The following SASS6 variants were observed in gnomAD, a reference collection of about 807,000 sequenced individuals.
SASS6 encodes the protein SAS-6 centriolar assembly protein.
Under a neutral mutation model 94.9 loss-of-function variants are expected in SASS6, and 59 were observed. The ratio of observed to expected loss-of-function variants is 0.62; its 90% confidence interval spans 0.50 to 0.77. The LOEUF is 0.77. Ranked by LOEUF, SASS6 falls within the 30% of genes least tolerant of loss-of-function variation. The probability of loss-of-function intolerance (pLI) is 0.00; values close to 1 mark genes in which losing one functional copy is unlikely to be tolerated. For synonymous variants in SASS6, 264 were observed against 270.0 expected (o/e 0.98, Z 0.22); for missense variants, 698 against 734.1 (o/e 0.95, Z 0.57).
rs139300260 is a variant in SASS6, at chr1:100,107,633, G to C, written c.1141C>G (p.Leu381Val). ...ATIKSLSAEL[L>V]KANEIIKKLQ... ...ATAAAATTTTTAAAACAAACCTTCA[G>C]AAGTTCTGCAGATAATGATTTTATT... Residue 381 changes from leucine to valine, a missense_variant, in exon 10 of 17, where the codon CTG becomes GTG. Physicochemically the swap from Leu to Val is conservative, Grantham distance 32. Coordinates refer to ENST00000287482, the MANE Select transcript of SASS6 (RefSeq NM_194292.3). The C allele has an allele frequency of 8.2e-6, 13 of 1,592,622 alleles. No individual in the cohort carries two copies. In the African/African-American group the frequency reaches 1.1e-4, roughly 13 times the overall value.
chr1:100,107,918 G>C lies in SASS6; in HGVS notation c.948C>G (p.His316Gln), dbSNP rs758597069. The change falls in exon 9 of 17, where the codon CAC (histidine) becomes CAG (glutamine). Residue 316 changes from histidine (H) to glutamine (Q), a missense_variant. His to Gln is a conservative substitution (Grantham distance 24). Coordinates refer to ENST00000287482, the MANE Select transcript of SASS6 (RefSeq NM_194292.3). ...LDVECHEKEKHVNQLQTKVAV... is the reference protein window; with the variant it reads ...LDVECHEKEKQVNQLQTKVAV... Reference sequence around the variant, plus strand: ...CCACTTTTGTTTGTAGCTGATTAACGTGCTTTTCTTTCTCGTGGCATTCAA... The same window carrying C: ...CCACTTTTGTTTGTAGCTGATTAACCTGCTTTTCTTTCTCGTGGCATTCAA... 1 of 1,611,812 alleles carries C rather than the reference G, an allele frequency of 6.2e-7. No homozygotes were observed. Among genetic ancestry groups the C allele is most frequent in the South Asian group, 1.1e-5 (1 of 91,028 alleles).
At chr1:100,123,183 T>C (rs558730418) in intron 3 of SASS6, 27 bp downstream of exon 3, 7 of 947,846 alleles carry the variant, frequency 7.4e-6, no homozygotes, top group South Asian at 1.4e-5. Flanking sequence ...TTTCACTAAA[T>C]ATAAGATCAG....
At chr1:100,123,367 A>G in intron 2 of SASS6, 78 bp from the exon 3 acceptor site, 1 of 682,074 alleles carries the variant, frequency 1.5e-6, no homozygotes, top group Non-Finnish European at 2.6e-6. Context: ...AAGTAAAGAA[A>G]TCCAACAACA....
intron 7 of SASS6, among the ~76,000 whole-genome samples, chr1:100,114,517 C>CT (rs1256499891): frequency 6.7e-6 from 1 of 148,794 alleles, no homozygotes; most frequent in Non-Finnish European, 1.5e-5. Context: ...GACTCCATCT[C>CT]TAAAAAAAAA....
Position 100,096,429 on chromosome 1 carries a change from A to G in SASS6, c.1674+6526T>C, listed in dbSNP as rs558478613. Among the ~76,000 whole-genome samples, 115 of 152,342 alleles carry G rather than the reference A, an allele frequency of 7.5e-4. 1 individual carries two copies. The South Asian group carries it at 9.7e-3, about 13-fold the overall frequency. ...TCTAAATGTAACAACTAAAACTATA[A>G]AAGTTGTAGAAGAAAACAAAGGAGA... On this transcript the variant is annotated intron_variant, in intron 14 of 16. Coordinates refer to ENST00000287482, the MANE Select transcript of SASS6 (RefSeq NM_194292.3).
intron 5 of SASS6, 95 bp from the exon 6 acceptor site, chr1:100,120,554 G>A: frequency 1.6e-6 from 1 of 615,802 alleles, no homozygotes; most frequent in Non-Finnish European, 2.9e-6. Flanking sequence ...CTGGAAGCCT[G>A]TTAGAAATGC....
rs199888587 is a variant in SASS6 at position 100,132,741 on chromosome 1, G to A, written c.65+9C>T. ...GCCACCCGCGGGCACTGGATGACGC[G>A]GACCTTACCTCTCCTCACAGTCTTT... On this transcript the variant is annotated intron_variant, in intron 1 of 16. Coordinates refer to ENST00000287482, the MANE Select transcript of SASS6 (RefSeq NM_194292.3). 6.2e-7 allele frequency: 1 copy of A among 1,612,022 alleles called. No homozygotes were observed.
chr1:100,124,555 A>G (rs1238181967), intron 2 of SASS6, among the ~76,000 whole-genome samples: 2 of 152,008 alleles, frequency 1.3e-5, no homozygotes, highest in African/African-American at 4.8e-5. Context: ...TAATTTGTGT[A>G]TTTTTTTGTA....
rs1027903787 is a variant in SASS6, at chr1:100,084,299, C to G, written c.*1029G>C. Reference sequence around the variant, plus strand: ...GCATTAGTACTTTATAAAAATTGATCTAGAAGACTCTTTAGAGAATGCTAC... The same window carrying G: ...GCATTAGTACTTTATAAAAATTGATGTAGAAGACTCTTTAGAGAATGCTAC... On this transcript the variant is annotated 3_prime_UTR_variant, in exon 17 of 17. Coordinates refer to ENST00000287482, the MANE Select transcript of SASS6 (RefSeq NM_194292.3). 4.6e-5 allele frequency: 7 copies of G among 152,026 alleles called. No individual in the cohort carries two copies. The South Asian group carries it at 1.5e-3, about 32-fold the overall frequency. The allele number at this position is 152,026 out of a possible 1,614,324, so 9.4% of individuals were successfully genotyped here.
intron 14 of SASS6, among the ~76,000 whole-genome samples, chr1:100,089,888 T>C (rs1651557934): frequency 6.6e-6 from 1 of 151,730 alleles, no homozygotes; most frequent in Non-Finnish European, 1.5e-5. Flanking sequence ...TTAAATATAC[T>C]TGATTGTTTA....
chr1:100,091,295 G>GA (rs1434257428), intron 14 of SASS6, among the ~76,000 whole-genome samples: 3 of 151,836 alleles, frequency 2.0e-5, no homozygotes, highest in East Asian at 1.9e-4. Flanking sequence ...AAACTCTTTT[G>GA]AAAAAAATTG....
chr1:100,092,713 C>T (rs748075909), intron 14 of SASS6, among the ~76,000 whole-genome samples: 13 of 152,024 alleles, frequency 8.6e-5, no homozygotes, highest in Non-Finnish European at 1.6e-4. Flanking sequence ...GTAGCTGACA[C>T]TACAGGCGCC....
chr1:100,089,527 A>T (rs1651529138), intron 14 of SASS6, among the ~76,000 whole-genome samples: 1 of 152,166 alleles, frequency 6.6e-6, no homozygotes, highest in South Asian at 2.1e-4. Context: ...TATATAAAGG[A>T]AACATTATAT....
At chr1:100,131,406 T>C (rs187309750) in intron 1 of SASS6, among the ~76,000 whole-genome samples, 361 of 152,258 alleles carry the variant, frequency 2.4e-3, no homozygotes, top group Non-Finnish European at 3.9e-3. Flanking sequence ...TAAAAGCAGG[T>C]GAAATTAATT....
Position 100,098,619 on chromosome 1 carries a change from C to T in SASS6, c.1674+4336G>A, listed in dbSNP as rs138736455. On this transcript the variant is annotated intron_variant, in intron 14 of 16. Coordinates refer to ENST00000287482, the MANE Select transcript of SASS6 (RefSeq NM_194292.3). ...TATAAATCTATTAGTACCAGGCCAC[C>T]GAGATGTATGCACAAAAATATTTGC... Among the ~76,000 whole-genome samples the T allele has an allele frequency of 3.3e-5, 5 of 151,468 alleles. No homozygotes were observed. In the East Asian group the frequency reaches 7.8e-4, roughly 23 times the overall value.
At chr1:100,127,824 G>C (rs1654724775) in intron 1 of SASS6, among the ~76,000 whole-genome samples, 1 of 151,436 alleles carries the variant, frequency 6.6e-6, no homozygotes, top group Non-Finnish European at 1.5e-5. Flanking sequence ...AAGCTTTCGT[G>C]GTGGGGTGGG....
intron 9 of SASS6, 35 bp downstream of exon 9, chr1:100,107,775 G>A (rs769585442): frequency 3.2e-6 from 5 of 1,548,100 alleles, no homozygotes; most frequent in Admixed American, 3.5e-5. Context: ...TTATAAATAT[G>A]ATTATCAATT....
At chr1:100,110,506 T>C (rs778149771) in intron 7 of SASS6, 23 bp from the exon 8 acceptor site, 4 of 1,305,532 alleles carry the variant, frequency 3.1e-6, no homozygotes, top group Admixed American at 5.3e-5. Flanking sequence ...AAAAATACAG[T>C]ACCAAAATTC....
At chr1:100,127,767 G>T (rs1654720547) in intron 1 of SASS6, among the ~76,000 whole-genome samples, 1 of 150,744 alleles carries the variant, frequency 6.6e-6, no homozygotes, top group African/African-American at 2.4e-5. Flanking sequence ...CAGGAGGATA[G>T]CTTGAGCCCA....
Sources: allele counts gnomAD v4.1 joint callset (sites outside exome capture counted in the v4.1 genomes callset), GRCh38; gene constraint gnomAD v4.1.1; transcripts MANE v1.5; gene names NCBI Gene and HGNC (gene_info 2026-07-23, HGNC 2026-07-21).